OSBPL3: variants seen among roughly 807,000 people sequenced by gnomAD.
OSBPL3 encodes oxysterol-binding protein-related protein 3.
A neutral mutation model predicts 120.1 loss-of-function variants in OSBPL3; 65 were observed. The observed-to-expected ratio is 0.54, with a 90% CI of 0.44 to 0.67. OSBPL3 has a LOEUF of 0.67. Ranked by LOEUF, OSBPL3 falls within the 30% of genes least tolerant of loss-of-function variation. The pLI is 0.00. For missense variants in OSBPL3, 1,004 were observed against 1,082.1 expected, an observed-to-expected ratio of 0.93 and a Z score of 1.01; for synonymous variants, 416 against 402.6, an observed-to-expected ratio of 1.03 and a Z score of -0.40.
chr7:24,872,083 A>C lies in OSBPL3; in HGVS notation c.97-14T>G. ...TTCCCAGCTGTCCTGTTCCAACAAA[A>C]GAGTTCATGTTAAATGTCTATCTTT... On this transcript the variant is annotated splice_polypyrimidine_tract_variant and intron_variant, in intron 2 of 22. Transcript: ENST00000313367. The surrounding 1 kb of genome is among the most constrained non-coding windows in gnomAD (Gnocchi z 4.1). 1 of 1,515,280 alleles carries C rather than the reference A, an allele frequency of 6.6e-7. No individual in the cohort carries two copies. The highest frequency in any genetic ancestry group is 1.1e-5 in the South Asian group (1 of 88,880). 93.9% of individuals were successfully genotyped at this position (1,515,280 alleles called of 1,614,324 possible).
rs1014745284 is a variant in OSBPL3, at chr7:24,873,239, C to T, written c.97-1170G>A. Among the ~76,000 whole-genome samples the T allele has an allele frequency of 6.6e-6, 1 of 152,184 alleles. No individual in the cohort carries two copies. The highest frequency in any genetic ancestry group is 1.5e-5 in the Non-Finnish European group (1 of 68,038). ...GTGAGTCTGAACCAGCACCAGGGAG[C>T]AGGAGGCAGTTAGATTCAAGTCCTG... On this transcript the variant is annotated intron_variant, in intron 2 of 22. Transcript: ENST00000313367. This position sits in a 1 kb window ranked among gnomAD's most constrained non-coding sequence, Gnocchi z 4.1.
Position 24,891,856 on chromosome 7 carries a change from G to A in OSBPL3, c.96+521C>T, listed in dbSNP as rs73091424. Among the ~76,000 whole-genome samples the A allele has an allele frequency of 0.15, 23,537 of 152,128 alleles. 2,018 individuals carry two copies. Among genetic ancestry groups the A allele is most frequent in the East Asian group, 0.34 (1,736 of 5,174 alleles). On this transcript the variant is annotated intron_variant, in intron 2 of 22. Coordinates refer to ENST00000313367, the MANE Select transcript of OSBPL3 (RefSeq NM_015550.4). The surrounding 1 kb of genome is among the most constrained non-coding windows in gnomAD (Gnocchi z 4.1). ...TCCATTATAGATATAAAGCAGGTGA[G>A]TCTCGAAGCTACTAACAGGGCAATC... is the stretch of plus-strand genomic sequence containing the variant.
chr7:24,845,329 C>A (rs1584346273), intron 12 of OSBPL3, among the ~76,000 whole-genome samples: 1 of 142,314 alleles, frequency 7.0e-6, no homozygotes, highest in Non-Finnish European at 1.5e-5. Flanking sequence ...TGCATGGGAC[C>A]TCCCTCTGCA....
Position 24,867,487 on chromosome 7 carries a change from G to T in OSBPL3, c.382-1250C>A, listed in dbSNP as rs949068450. On this transcript the variant is annotated intron_variant, in intron 5 of 22. Coordinates refer to ENST00000313367, the MANE Select transcript of OSBPL3 (RefSeq NM_015550.4). The surrounding 1 kb of genome is among the most constrained non-coding windows in gnomAD (Gnocchi z 4.5). ...AGAGGTAACTGGATCATGGGGGCAAGTCATTCCCATGGTGTTCTCGTGGTG... is the reference window on the plus strand; with the variant it reads ...AGAGGTAACTGGATCATGGGGGCAATTCATTCCCATGGTGTTCTCGTGGTG... Among the ~76,000 whole-genome samples the T allele has an allele frequency of 1.3e-5, 2 of 152,198 alleles. No homozygotes were observed. The highest frequency in any genetic ancestry group is 4.8e-5 in the African/African-American group (2 of 41,448).
At chr7:24,943,391 G>A (rs964134315) in intron 1 of OSBPL3, among the ~76,000 whole-genome samples, 1 of 152,038 alleles carries the variant, frequency 6.6e-6, no homozygotes, top group Non-Finnish European at 1.5e-5. Context: ...TTAAAGGAAG[G>A]ACAAAAAACA....
chr7:24,871,617 G>T lies in OSBPL3; in HGVS notation c.267+125C>A. The T allele has an allele frequency of 1.4e-6, 1 of 734,834 alleles. No individual in the cohort carries two copies. Among genetic ancestry groups the T allele is most frequent in the Non-Finnish European group, 2.3e-6 (1 of 432,592 alleles). 45.5% of individuals were successfully genotyped at this position (734,834 alleles called of 1,614,324 possible). A position where few individuals can be genotyped will look rare whatever the true frequency, so the allele number is the denominator to read the frequency against. ...TGGAACCCAGAGCTCAGACAGAAGT[G>T]TTTCCCCTCTATGGTTTCCAGTTCC... On this transcript the variant is annotated intron_variant, in intron 4 of 22. Coordinates refer to ENST00000313367, the MANE Select transcript of OSBPL3 (RefSeq NM_015550.4). The surrounding 1 kb of genome is among the most constrained non-coding windows in gnomAD (Gnocchi z 4.8).
At chr7:24,847,696 C>T (rs188584223) in intron 12 of OSBPL3, among the ~76,000 whole-genome samples, 9 of 152,264 alleles carry the variant, frequency 5.9e-5, no homozygotes, top group East Asian at 1.9e-4. Context: ...TGTGATAATA[C>T]TATTTAAAAG....
At chr7:24,954,478 T>C (rs924913112) in intron 1 of OSBPL3, among the ~76,000 whole-genome samples, 1 of 152,130 alleles carries the variant, frequency 6.6e-6, no homozygotes, top group Non-Finnish European at 1.5e-5. Flanking sequence ...CCAGTTAACC[T>C]TGGCATTTCT....
At chr7:24,925,014 G>T (rs28475742) in intron 1 of OSBPL3, among the ~76,000 whole-genome samples, 94,405 of 151,994 alleles carry the variant, frequency 0.62, 30,038 homozygotes, top group East Asian at 0.91. Flanking sequence ...TTTATATGTC[G>T]TTCTGCTCTT....
Position 24,959,249 on chromosome 7 carries a change from C to T in OSBPL3, c.-150+20637G>A, listed in dbSNP as rs940712846. Reference sequence around the variant, plus strand: ...GGTATATACTCAATAAAAACGCACACATTTGTTCACCAAAAGTTATGTACG... The same window carrying T: ...GGTATATACTCAATAAAAACGCACATATTTGTTCACCAAAAGTTATGTACG... On this transcript the variant is annotated intron_variant, in intron 1 of 22. Transcript: ENST00000313367. The surrounding 1 kb of genome is among the most constrained non-coding windows in gnomAD (Gnocchi z 4.3). 3.9e-5 allele frequency among the ~76,000 whole-genome samples: 6 copies of T among 152,048 alleles called. No individual in the cohort carries two copies. Among genetic ancestry groups the T allele is most frequent in the Admixed American group, 2.6e-4 (4 of 15,270 alleles).
At position 24,849,144 on chromosome 7, in the gene OSBPL3, G is replaced by A. The variant is rs1219963882; in HGVS notation, c.1191C>T (p.Arg397=). The change falls in exon 12 of 23, where the codon CGC becomes CGT. Residue 397 remains arginine, a synonymous_variant. Coordinates refer to ENST00000313367, the MANE Select transcript of OSBPL3 (RefSeq NM_015550.4). The surrounding 1 kb of genome is among the most constrained non-coding windows in gnomAD (Gnocchi z 5.4). Reference sequence around the variant, plus strand: ...GAGACTCGGCATGGATTCTGCGTAAGCGTTCTTTAAGATCTGTGTTTTGTG... The same window carrying A: ...GAGACTCGGCATGGATTCTGCGTAAACGTTCTTTAAGATCTGTGTTTTGTG... The part of the protein sequence containing the change: ...ALAQNTDLKE[R]LRRIHAESLL... 6 of 1,613,896 alleles carry A rather than the reference G, an allele frequency of 3.7e-6. No homozygotes were observed. The Admixed American group carries it at 8.3e-5, about 22-fold the overall frequency.
chr7:24,825,698 G>A (rs1334528380), intron 16 of OSBPL3, among the ~76,000 whole-genome samples: 2 of 152,220 alleles, frequency 1.3e-5, no homozygotes, highest in Admixed American at 1.3e-4. Context: ...CAAGGACTAT[G>A]CAGAGGTGAC....
At chr7:24,902,292 T>G (rs1807142436) in intron 1 of OSBPL3, among the ~76,000 whole-genome samples, 1 of 152,212 alleles carries the variant, frequency 6.6e-6, no homozygotes, top group Non-Finnish European at 1.5e-5. Context: ...CCCATATTAC[T>G]ATCATCCAAA....
rs958868791 is a variant in OSBPL3, at chr7:24,851,048, G to T, written c.1158+1456C>A. ...ATAGGTCTCAGTGGCCAAACAGGCA[G>T]ATTGACAAGATGAGGCCAGGCCTCT... On this transcript the variant is annotated intron_variant, in intron 11 of 22. Coordinates refer to ENST00000313367, the MANE Select transcript of OSBPL3 (RefSeq NM_015550.4). The surrounding 1 kb of genome is among the most constrained non-coding windows in gnomAD (Gnocchi z 4.1). 2.6e-5 allele frequency among the ~76,000 whole-genome samples: 4 copies of T among 152,236 alleles called. No homozygotes were observed. Among genetic ancestry groups the T allele is most frequent in the African/African-American group, 9.6e-5 (4 of 41,462 alleles).
intron 16 of OSBPL3, among the ~76,000 whole-genome samples, chr7:24,826,869 A>G (rs1177363961): frequency 6.6e-6 from 1 of 152,188 alleles, no homozygotes; most frequent in Admixed American, 6.5e-5. Context: ...CGAACTCTCA[A>G]GCAGCAATGA....
intron 19 of OSBPL3, among the ~76,000 whole-genome samples, chr7:24,811,310 A>G (rs1177285411): frequency 6.6e-6 from 1 of 152,184 alleles, no homozygotes; most frequent in Non-Finnish European, 1.5e-5. Context: ...TCTATTGGCC[A>G]CTTGTATGTC....
At chr7:24,929,510 C>CT (rs372726002) in intron 1 of OSBPL3, among the ~76,000 whole-genome samples, 53 of 147,562 alleles carry the variant, frequency 3.6e-4, no homozygotes, top group Admixed American at 5.4e-4. Context: ...TAGTTTAGCA[C>CT]TTTTTTTTTT....
chr7:24,869,845 A>G (rs1801860112), intron 5 of OSBPL3, among the ~76,000 whole-genome samples: 1 of 152,218 alleles, frequency 6.6e-6, no homozygotes, highest in Non-Finnish European at 1.5e-5. Context: ...TAAGACAAGG[A>G]GCTCATGATC....
Position 24,898,939 on chromosome 7 carries a change from A to G in OSBPL3, c.-149-6318T>C, listed in dbSNP as rs1806575889. Reference sequence around the variant, plus strand: ...GACAGTTTGTCATCATTTAGAGCTGAAATAATGACTCACTATAATTTCATG... The same window carrying G: ...GACAGTTTGTCATCATTTAGAGCTGGAATAATGACTCACTATAATTTCATG... On this transcript the variant is annotated intron_variant, in intron 1 of 22. Transcript: ENST00000313367. This position sits in a 1 kb window ranked among gnomAD's most constrained non-coding sequence, Gnocchi z 4.3. Among the ~76,000 whole-genome samples, 1 of 152,212 alleles carries G rather than the reference A, an allele frequency of 6.6e-6. No individual in the cohort carries two copies. The highest frequency in any genetic ancestry group is 1.5e-5 in the Non-Finnish European group (1 of 68,038).
Sources: gnomAD v4.1 joint callset for allele counts (sites outside exome capture counted in the v4.1 genomes callset) on GRCh38, gnomAD v4.1.1 for gene constraint, Gnocchi (gnomAD v3.1) non-coding constraint, MANE v1.5 for transcripts, NCBI Gene and HGNC (gene_info 2026-07-23, HGNC 2026-07-21) for gene names.